The following TRIM36 variants were observed in gnomAD, a reference collection of about 807,000 sequenced individuals.
TRIM36 encodes tripartite motif containing 36.
In TRIM36, 42 loss-of-function variants were observed where a neutral mutation model predicts 72.4. The observed-to-expected ratio is 0.58, with a 90% CI of 0.45 to 0.75. The LOEUF is 0.75. TRIM36 is among the 30% of genes least tolerant of loss of function. The pLI, the probability that TRIM36 is intolerant of heterozygous loss-of-function variation, is 0.00. For synonymous variants in TRIM36, 315 were observed against 282.8 expected (o/e 1.11, Z -1.14); for missense variants, 913 against 857.1 (o/e 1.07, Z -0.81).
intron 9 of TRIM36, among the ~76,000 whole-genome samples, chr5:115,128,215 C>G (rs1204446967): frequency 2.0e-5 from 3 of 151,082 alleles, no homozygotes; most frequent in African/African-American, 4.9e-5. Context: ...ACTAAAAATA[C>G]AAAATTAGCT....
At chr5:115,141,487 A>T (rs1178309410) in intron 4 of TRIM36, 113 bp from the exon 5 acceptor site, 2 of 554,186 alleles carry the variant, frequency 3.6e-6, no homozygotes, top group Admixed American at 3.9e-5. Flanking sequence ...TCTGATAAAC[A>T]TAATAAAATC....
At chr5:115,171,053 C>G (rs1755093105), upstream of TRIM36, 2 of 1,612,134 alleles carry the variant, frequency 1.2e-6, no homozygotes, top group Admixed American at 1.7e-5. Context: ...AACAGATGCC[C>G]TAAATTGCTG....
intron 3 of TRIM36, among the ~76,000 whole-genome samples, chr5:115,145,421 CCTTT>C (rs1220883344): frequency 6.6e-6 from 1 of 152,038 alleles, no homozygotes; most frequent in African/African-American, 2.4e-5. Context: ...AGGGGAGATT[CCTTT>C]AAGTTAGTAT....
chr5:115,172,539 C>T (rs1329236307), upstream of TRIM36, among the ~76,000 whole-genome samples: 5 of 152,072 alleles, frequency 3.3e-5, no homozygotes, highest in African/African-American at 1.2e-4. Flanking sequence ...AATTCGAGAC[C>T]AGCCTGGCCA....
intron 2 of TRIM36, chr5:115,149,569 GAAAAAAAAA>G (rs748596152): frequency 2.6e-4 from 5 of 19,276 alleles, no homozygotes; most frequent in South Asian, 2.1e-3. Context: ...TCAGAAATTT[GAAAAAAAAA>G]AAAAAAAAAA....
chr5:115,178,235 C>T (rs1428116083), intron 1 of TRIM36, among the ~76,000 whole-genome samples: 1 of 152,178 alleles, frequency 6.6e-6, no homozygotes, highest in African/African-American at 2.4e-5. Flanking sequence ...AATATCTGAG[C>T]GCCATAGGAC....
At chr5:115,173,413 C>T (rs1755202034), upstream of TRIM36, among the ~76,000 whole-genome samples, 1 of 152,158 alleles carries the variant, frequency 6.6e-6, no homozygotes, top group African/African-American at 2.4e-5. Context: ...GTAGCCCTGT[C>T]CTCATGCCTC....
intron 5 of TRIM36, among the ~76,000 whole-genome samples, chr5:115,141,032 CAAAT>C (rs1317357812): frequency 2.6e-5 from 4 of 152,172 alleles, no homozygotes; most frequent in Non-Finnish European, 4.4e-5. Context: ...AGTTGCCACA[CAAAT>C]AGTCATTTTT....
Position 115,163,687 on chromosome 5 carries a change from T to A in TRIM36, c.93A>T (p.Pro31=), listed in dbSNP as rs1333007882. 1.2e-6 allele frequency: 2 copies of A among 1,614,198 alleles called. No individual in the cohort carries two copies. Among genetic ancestry groups the A allele is most frequent in the Non-Finnish European group, 1.7e-6 (2 of 1,180,032 alleles). ...CPACKELFTH[P]LILPCQHSIC... ...TACTATGTTGGCAAGGGAGAATCAA[T>A]GGGTGGGTAAACAGCTCCTTGCATG... The change falls in exon 2 of 10, where the codon CCA becomes CCT. Residue 31 remains proline (P), a synonymous_variant. Transcript: ENST00000513154.
At chr5:115,151,422 C>G (rs1039335125) in intron 2 of TRIM36, among the ~76,000 whole-genome samples, 1 of 152,000 alleles carries the variant, frequency 6.6e-6, no homozygotes, top group East Asian at 1.9e-4. Context: ...GCCCTGCCCC[C>G]ACCCAGGGGT....
intron 4 of TRIM36, among the ~76,000 whole-genome samples, chr5:115,141,674 T>G (rs1753284951): frequency 6.6e-6 from 1 of 152,190 alleles, no homozygotes. Context: ...TCATTATCAT[T>G]CCTAGAGCTC....
chr5:115,142,197 G>A (rs926746073), intron 4 of TRIM36, among the ~76,000 whole-genome samples: 1 of 152,178 alleles, frequency 6.6e-6, no homozygotes, highest in South Asian at 2.1e-4. Context: ...AATTACCACC[G>A]ATGACTTGAA....
At chr5:115,137,334 G>T (rs1015859901) in intron 6 of TRIM36, 29 bp downstream of exon 6, 4 of 1,586,086 alleles carry the variant, frequency 2.5e-6, no homozygotes, top group Non-Finnish European at 2.6e-6. Flanking sequence ...TGCTCAATAG[G>T]TTCTAAAGTT....
In TRIM36 at chr5:115,126,767, C is replaced by A; in HGVS notation, c.1887G>T (p.Gln629His). The A allele has an allele frequency of 6.2e-7, 1 of 1,614,144 alleles. No homozygotes were observed. Among genetic ancestry groups the A allele is most frequent in the Non-Finnish European group, 8.5e-7 (1 of 1,180,024 alleles). Residue 629 changes from glutamine (Q) to histidine (H), a missense_variant, in exon 10 of 10, where the codon CAG becomes CAT. Gln to His is a conservative substitution (Grantham distance 24). Coordinates refer to ENST00000513154, the MANE Select transcript of TRIM36 (RefSeq NM_001300759.2). Reference sequence around the variant, plus strand: ...TAGGTGACTTGGGTATAAAAAATTTCTGCATGCCTATAGTAACTAAGGTAA... The same window carrying A: ...TAGGTGACTTGGGTATAAAAAATTTATGCATGCCTATAGTAACTAAGGTAA... ...QPFTLVTIGM[Q>H]KFFIPKSPTS...
At chr5:115,172,735 CAA>C (rs759612615), upstream of TRIM36, among the ~76,000 whole-genome samples, 12 of 119,866 alleles carry the variant, frequency 1.0e-4, no homozygotes, top group Non-Finnish European at 7.1e-5. Flanking sequence ...GACTCTGTCT[CAA>C]AAAAAAAAAA....
chr5:115,167,179 A>C (rs1754826268), intron 1 of TRIM36, among the ~76,000 whole-genome samples: 1 of 152,218 alleles, frequency 6.6e-6, no homozygotes, highest in Non-Finnish European at 1.5e-5. Flanking sequence ...CCGAGGCTGC[A>C]CACAGCAGCA....
At chr5:115,135,030 T>G (rs1279859791) in intron 7 of TRIM36, among the ~76,000 whole-genome samples, 1 of 150,338 alleles carries the variant, frequency 6.7e-6, no homozygotes, top group Non-Finnish European at 1.5e-5. Flanking sequence ...CGCCAGTATT[T>G]TCCCCCTCAA....
At chr5:115,131,952 G>A (rs1310737115) in intron 8 of TRIM36, among the ~76,000 whole-genome samples, 1 of 152,112 alleles carries the variant, frequency 6.6e-6, no homozygotes, top group Non-Finnish European at 1.5e-5. Flanking sequence ...GGTAAAAGTG[G>A]TGATATTTAA....
intron 2 of TRIM36, chr5:115,148,415 CTTTTTTTT>C (rs146223001): frequency 5.9e-6 from 3 of 507,836 alleles, no homozygotes; most frequent in Admixed American, 1.1e-4. Flanking sequence ...TAAATCTGTT[CTTTTTTTT>C]TTTTTTTTTT....
Sources: gnomAD v4.1 joint callset for allele counts (sites outside exome capture counted in the v4.1 genomes callset) on GRCh38, gnomAD v4.1.1 for gene constraint, MANE v1.5 for transcripts, NCBI Gene and HGNC (gene_info 2026-07-23, HGNC 2026-07-21) for gene names.